The following DCDC1 variants were observed in gnomAD, a reference collection of about 807,000 sequenced individuals.
DCDC1 encodes doublecortin domain containing 1.
A neutral mutation model predicts 178.3 loss-of-function variants in DCDC1; 200 were observed. The observed-to-expected ratio is 1.12, with a 90% CI of 1.00 to 1.26. The LOEUF (loss-of-function observed/expected upper bound fraction) is 1.26, where lower values mean the gene tolerates loss of function less well. DCDC1 is among the 50% of genes most tolerant of loss of function. The probability of loss-of-function intolerance (pLI) is 0.00; values close to 1 mark genes in which losing one functional copy is unlikely to be tolerated. For missense variants in DCDC1, 1,983 were observed against 1,749.2 expected (o/e 1.13, Z -2.38); for synonymous variants, 690 against 604.8 (o/e 1.14, Z -2.07).
intron 20 of DCDC1, among the ~76,000 whole-genome samples, chr11:31,048,614 G>A (rs1955020659): frequency 1.3e-5 from 2 of 152,186 alleles, no homozygotes; most frequent in Admixed American, 1.3e-4. Flanking sequence ...AGCACTTGGA[G>A]AGGCCAAGGT....
chr11:31,186,466 TA>T (rs1969506732), intron 9 of DCDC1, among the ~76,000 whole-genome samples: 1 of 152,216 alleles, frequency 6.6e-6, no homozygotes, highest in African/African-American at 2.4e-5. Context: ...CCATGAGGCC[TA>T]CCTACCTCTG....
chr11:31,224,467 C>A lies in DCDC1; in HGVS notation c.1221+16983G>T, dbSNP rs1013467148. Among the ~76,000 whole-genome samples the A allele has an allele frequency of 2.0e-5, 3 of 151,916 alleles. No individual in the cohort carries two copies. The East Asian group carries it at 5.8e-4, about 29-fold the overall frequency. On this transcript the variant is annotated intron_variant, in intron 9 of 38. Coordinates refer to ENST00000684477, the MANE Select transcript of DCDC1 (RefSeq NM_001387274.1). ...ATTGATATGGGCAAAGAATTCATGA[C>A]TAAGAACCCAAAAGCAAATGCAAAA...
intron 9 of DCDC1, among the ~76,000 whole-genome samples, chr11:31,176,528 CATCT>C (rs1307440055): frequency 6.6e-6 from 1 of 152,040 alleles, no homozygotes; most frequent in African/African-American, 2.4e-5. Context: ...GAGATATGAA[CATCT>C]AGATTCAGGA....
chr11:30,974,512 A>G (rs1949996357), intron 20 of DCDC1, among the ~76,000 whole-genome samples: 1 of 152,112 alleles, frequency 6.6e-6, no homozygotes, highest in Non-Finnish European at 1.5e-5. Context: ...AAATAAACCC[A>G]GAAATGAAAA....
At chr11:30,911,812 T>G (rs1945468741) in intron 27 of DCDC1, among the ~76,000 whole-genome samples, 1 of 152,188 alleles carries the variant, frequency 6.6e-6, no homozygotes, top group South Asian at 2.1e-4. Flanking sequence ...CCTCCTAGTG[T>G]ACCACCATCC....
intron 9 of DCDC1, among the ~76,000 whole-genome samples, chr11:31,168,611 T>A (rs1468375362): frequency 6.6e-6 from 1 of 152,152 alleles, no homozygotes; most frequent in Non-Finnish European, 1.5e-5. Context: ...TTCTACAAAC[T>A]AGGAGAGAGG....
At chr11:31,056,173 A>G (rs930432017) in intron 20 of DCDC1, among the ~76,000 whole-genome samples, 5 of 152,146 alleles carry the variant, frequency 3.3e-5, no homozygotes, top group African/African-American at 1.2e-4. Flanking sequence ...TAATCTCCAC[A>G]GCAGTCACTA....
At chr11:31,241,642 A>G (rs1478796323) in intron 8 of DCDC1, 26 bp from the exon 9 acceptor site, 1 of 396,404 alleles carries the variant, frequency 2.5e-6, no homozygotes, top group Non-Finnish European at 4.5e-6. Flanking sequence ...AGGGAAAAAA[A>G]TTCTTTTGAC....
rs373794154 is a variant in DCDC1, at chr11:31,127,505, T to G, written c.1449A>C (p.Pro483=). The G allele has an allele frequency of 1.4e-6, 1 of 702,668 alleles. No homozygotes were observed. Among genetic ancestry groups the G allele is most frequent in the East Asian group, 2.7e-5 (1 of 37,270 alleles). The allele number at this position is 702,668 out of a possible 1,614,324, so 43.5% of individuals were successfully genotyped here. A position where few individuals can be genotyped will look rare whatever the true frequency, so the allele number is the denominator to read the frequency against. The change falls in exon 11 of 39, where the codon CCA becomes CCC. Residue 483 remains proline, a synonymous_variant. Coordinates refer to ENST00000684477, the MANE Select transcript of DCDC1 (RefSeq NM_001387274.1). ...SYVYQHIKSL[P]ANTLVPGGLQ... The stretch of plus-strand genomic sequence containing the variant: ...GGCCTCCTGGGACAAGCGTGTTTGC[T>G]GGAAGGCTTTTAATGTGTTGGTAGA...
At chr11:31,005,006 G>C (rs191269645) in intron 20 of DCDC1, among the ~76,000 whole-genome samples, 3 of 152,200 alleles carry the variant, frequency 2.0e-5, no homozygotes, top group Admixed American at 6.5e-5. Context: ...GAAATTAAGA[G>C]TATTATAATA....
At chr11:31,267,241 A>C (rs1464021069) in intron 7 of DCDC1, among the ~76,000 whole-genome samples, 1 of 150,952 alleles carries the variant, frequency 6.6e-6, no homozygotes, top group Non-Finnish European at 1.5e-5. Flanking sequence ...CCCAGGCTTG[A>C]GTGCAGTGGT....
chr11:30,988,888 G>A (rs973512962), intron 20 of DCDC1, among the ~76,000 whole-genome samples: 2 of 152,116 alleles, frequency 1.3e-5, no homozygotes, highest in African/African-American at 4.8e-5. Context: ...CTTCAAATGA[G>A]CTTCATATGG....
intron 3 of DCDC1, among the ~76,000 whole-genome samples, chr11:31,311,570 T>C (rs1197473339): frequency 6.6e-6 from 1 of 152,210 alleles, no homozygotes; most frequent in African/African-American, 2.4e-5. Flanking sequence ...CAGAGGAATA[T>C]AAGAATACAG....
intron 21 of DCDC1, among the ~76,000 whole-genome samples, chr11:30,932,401 A>T (rs1003320755): frequency 6.6e-6 from 1 of 152,200 alleles, no homozygotes; most frequent in Non-Finnish European, 1.5e-5. Context: ...AAAATAATGA[A>T]CATAAACACA....
intron 36 of DCDC1, among the ~76,000 whole-genome samples, chr11:30,889,052 A>G (rs1265010546): frequency 6.6e-6 from 1 of 152,204 alleles, no homozygotes; most frequent in Non-Finnish European, 1.5e-5. Context: ...TCATGCATTC[A>G]GAACCATTCC....
At chr11:30,968,711 T>TTATATATATATA (rs71451193) in intron 20 of DCDC1, among the ~76,000 whole-genome samples, 4,481 of 60,858 alleles carry the variant, frequency 0.074, 586 homozygotes, top group Admixed American at 0.13. Context: ...ATATATCAAA[T>TTATATATATATA]TATATATATA....
intron 3 of DCDC1, among the ~76,000 whole-genome samples, chr11:31,313,698 T>G (rs190402115): frequency 3.9e-5 from 6 of 152,212 alleles, no homozygotes; most frequent in Non-Finnish European, 8.8e-5. Context: ...GTGCTGTGGT[T>G]ATTTTTACTC....
chr11:31,338,690 T>C (rs1335640175), intron 1 of DCDC1, among the ~76,000 whole-genome samples: 3 of 152,152 alleles, frequency 2.0e-5, no homozygotes, highest in African/African-American at 4.8e-5. Flanking sequence ...GAAGGGGGTA[T>C]GGGGCATAAT....
chr11:31,074,589 T>C (rs1372559845), intron 18 of DCDC1, among the ~76,000 whole-genome samples: 1 of 152,154 alleles, frequency 6.6e-6, no homozygotes. Context: ...ACCAAACTTA[T>C]TGGCATTTTG....
Sources: gnomAD v4.1 joint callset for allele counts (sites outside exome capture counted in the v4.1 genomes callset) on GRCh38, gnomAD v4.1.1 for gene constraint, MANE v1.5 for transcripts, NCBI Gene and HGNC (gene_info 2026-07-23, HGNC 2026-07-21) for gene names.